The following HLTF variants were observed in gnomAD, a reference collection of about 807,000 sequenced individuals.
HLTF encodes the protein helicase like transcription factor.
In HLTF, 127 loss-of-function variants were observed where a neutral mutation model predicts 129.4. That is an observed-to-expected ratio of 0.98 (90% CI 0.85 to 1.14). The LOEUF (loss-of-function observed/expected upper bound fraction) is 1.14. Among genes scored for constraint, HLTF ranks in the 50% most tolerant of loss-of-function variants. The probability of loss-of-function intolerance (pLI) is 0.00; values close to 1 mark genes in which losing one functional copy is unlikely to be tolerated. For missense variants in HLTF, 1,139 were observed against 1,187.1 expected, an observed-to-expected ratio of 0.96 and a Z score of 0.60; for synonymous variants, 332 against 388.8, an observed-to-expected ratio of 0.85 and a Z score of 1.72.
At chr3:149,077,651 G>A (rs1719494194) in intron 2 of HLTF, among the ~76,000 whole-genome samples, 1 of 151,452 alleles carries the variant, frequency 6.6e-6, no homozygotes, top group African/African-American at 2.4e-5. Flanking sequence ...TGGATATCTA[G>A]AAGGCCGTAA....
At chr3:149,065,738 G>A (rs920670070) in intron 8 of HLTF, among the ~76,000 whole-genome samples, 1 of 152,142 alleles carries the variant, frequency 6.6e-6, no homozygotes, top group South Asian at 2.1e-4. Context: ...GCTGAGGCAG[G>A]AGAATTGCTT....
chr3:149,055,435 G>A, intron 13 of HLTF, 35 bp from the exon 14 acceptor site: 1 of 1,392,576 alleles, frequency 7.2e-7, no homozygotes, highest in Non-Finnish European at 1.0e-6. Context: ...ACCTTTAGCT[G>A]TTTTTCTGAA....
At chr3:149,074,896 T>C (rs989957701) in intron 3 of HLTF, among the ~76,000 whole-genome samples, 1 of 151,968 alleles carries the variant, frequency 6.6e-6, no homozygotes, top group Admixed American at 6.6e-5. Flanking sequence ...ATACTTAAAT[T>C]GAGATCACAA....
intron 20 of HLTF, among the ~76,000 whole-genome samples, 175 bp downstream of exon 20, chr3:149,041,315 T>C: frequency 6.6e-6 from 1 of 152,164 alleles, no homozygotes. Context: ...CATCTTTTTA[T>C]GTTGCAAATG....
intron 24 of HLTF, among the ~76,000 whole-genome samples, chr3:149,034,080 TAAAC>T (rs777607486): frequency 6.6e-6 from 1 of 152,090 alleles, no homozygotes; most frequent in African/African-American, 2.4e-5. Flanking sequence ...AAAATGTTAA[TAAAC>T]AAGATATGTG....
intron 21 of HLTF, 42 bp downstream of exon 21, chr3:149,039,989 A>G (rs1431200872): frequency 1.3e-6 from 2 of 1,546,214 alleles, no homozygotes; most frequent in South Asian, 2.4e-5. Flanking sequence ...CCTTATATAA[A>G]GGTAAAACAA....
chr3:149,074,116 G>A lies in HLTF; in HGVS notation c.529+99C>T. 2.5e-6 allele frequency: 3 copies of A among 1,215,408 alleles called. No individual in the cohort carries two copies. The South Asian group carries it at 6.1e-5, about 25-fold the overall frequency. The allele number at this position is 1,215,408 out of a possible 1,614,324, so 75.3% of individuals were successfully genotyped here. ...AAAAAAAGTTGTACCTTGGAGCCTT[G>A]AGCACAAATTAGCCAACAAACTCCA... On this transcript the variant is annotated intron_variant, in intron 4 of 24. Transcript: ENST00000310053.
intron 24 of HLTF, among the ~76,000 whole-genome samples, chr3:149,034,508 G>A (rs1009348710): frequency 3.3e-5 from 5 of 152,100 alleles, no homozygotes; most frequent in African/African-American, 4.8e-5. Flanking sequence ...GGATGATTGT[G>A]ATGGCTGTTG....
At chr3:149,035,522 G>A (rs1274137171) in intron 23 of HLTF, among the ~76,000 whole-genome samples, 1 of 151,828 alleles carries the variant, frequency 6.6e-6, no homozygotes, top group Non-Finnish European at 1.5e-5. Context: ...GCCGGGAGAG[G>A]TGGCGGGCGC....
intron 10 of HLTF, among the ~76,000 whole-genome samples, chr3:149,062,214 TATAAC>T (rs1718011241): frequency 6.6e-6 from 1 of 152,246 alleles, no homozygotes; most frequent in South Asian, 2.1e-4. Flanking sequence ...AACTATTAGC[TATAAC>T]ATGTGTGTCA....
chr3:149,079,373 T>TAAAAAAAAAAAAAAAAAAAAAAAAAAA (rs71135659), intron 2 of HLTF, among the ~76,000 whole-genome samples: 1 of 57,230 alleles, frequency 1.7e-5, no homozygotes, highest in African/African-American at 6.3e-5. Context: ...CGACAGTTTC[T>TAAAAAAAAAAAAAAAAAAAAAAAAAAA]AAAAAAAAAA....
chr3:149,051,499 G>C (rs1322674513), intron 14 of HLTF, among the ~76,000 whole-genome samples: 1 of 152,190 alleles, frequency 6.6e-6, no homozygotes, highest in Non-Finnish European at 1.5e-5. Context: ...AGAGTCTACA[G>C]AATACCGGTA....
chr3:149,040,744 T>C (rs1378215627), intron 20 of HLTF, among the ~76,000 whole-genome samples: 1 of 152,134 alleles, frequency 6.6e-6, no homozygotes, highest in African/African-American at 2.4e-5. Context: ...ACAGTGGGGT[T>C]ACTTTTGGGG....
Position 149,055,322 on chromosome 3 carries a change from G to A in HLTF, c.1454C>T (p.Ser485Phe). 1 of 1,613,182 alleles carries A rather than the reference G, an allele frequency of 6.2e-7. No individual in the cohort carries two copies. ...PRTTLIICPL[S>F]VLSNWIDQFG... ...ACTTACAATCCAGTTGCTTAACACAGAAAGCGGACAGATGATCAGTGTTGT... is the reference window on the plus strand; with the variant it reads ...ACTTACAATCCAGTTGCTTAACACAAAAAGCGGACAGATGATCAGTGTTGT... Residue 485 changes from serine to phenylalanine, a missense_variant, in exon 14 of 25, where the codon TCT becomes TTT. Coordinates refer to ENST00000310053, the MANE Select transcript of HLTF (RefSeq NM_003071.4).
intron 2 of HLTF, among the ~76,000 whole-genome samples, chr3:149,078,464 T>C (rs1719576746): frequency 6.6e-6 from 1 of 152,250 alleles, no homozygotes; most frequent in East Asian, 1.9e-4. Context: ...GTGGGAGGAC[T>C]GCTTGAATGC....
chr3:149,059,094 T>G (rs1228610896), intron 13 of HLTF, among the ~76,000 whole-genome samples: 1 of 152,202 alleles, frequency 6.6e-6, no homozygotes, highest in Non-Finnish European at 1.5e-5. Context: ...TCACATTACT[T>G]CTCATTATTT....
chr3:149,041,796 A>G, intron 19 of HLTF, 128 bp from the exon 20 acceptor site: 2 of 675,762 alleles, frequency 3.0e-6, no homozygotes, highest in Non-Finnish European at 5.0e-6. Context: ...ATAGGCAAAA[A>G]GCATAATTTA....
At chr3:149,038,237 A>G (rs1715819015) in intron 23 of HLTF, among the ~76,000 whole-genome samples, 1 of 152,208 alleles carries the variant, frequency 6.6e-6, no homozygotes, top group Non-Finnish European at 1.5e-5. Context: ...CATTTTGTCT[A>G]TCTTGTTTAT....
chr3:149,041,774 T>A (rs1263929166), intron 19 of HLTF, 106 bp from the exon 20 acceptor site: 1 of 757,832 alleles, frequency 1.3e-6, no homozygotes, highest in South Asian at 1.8e-5. Context: ...AAGTCTCTCA[T>A]CATTTTCTGC....
Sources: gnomAD v4.1 joint callset for allele counts (sites outside exome capture counted in the v4.1 genomes callset) on GRCh38, gnomAD v4.1.1 for gene constraint, MANE v1.5 for transcripts, NCBI Gene and HGNC (gene_info 2026-07-23, HGNC 2026-07-21) for gene names.